PBX3: variants seen among roughly 807,000 people sequenced by gnomAD.
The protein encoded by PBX3 is PBX homeobox 3, also known as pre-B-cell leukemia transcription factor 3.
Under a neutral mutation model 48.5 loss-of-function variants are expected in PBX3, and 14 were observed. That is an observed-to-expected ratio of 0.29 (90% confidence interval 0.19 to 0.45). The LOEUF (loss-of-function observed/expected upper bound fraction) is 0.45. Among genes scored for constraint, PBX3 ranks in the 20% least tolerant of loss-of-function variants. PBX3 has a pLI of 1.00. For synonymous variants in PBX3, 210 were observed against 200.3 expected, an observed-to-expected ratio of 1.05 and a Z score of -0.41; for missense variants, 386 against 546.7, an observed-to-expected ratio of 0.71 and a Z score of 2.93.
intron 2 of PBX3, among the ~76,000 whole-genome samples, chr9:125,915,466 G>A (rs1841305786): frequency 6.6e-6 from 1 of 151,942 alleles, no homozygotes; most frequent in Non-Finnish European, 1.5e-5. Context: ...GAGGCGGTGG[G>A]GGGGTATTTA....
chr9:125,843,215 T>G (rs1839333921), intron 2 of PBX3, among the ~76,000 whole-genome samples: 1 of 152,174 alleles, frequency 6.6e-6, no homozygotes, highest in East Asian at 1.9e-4. Flanking sequence ...GGAATTTCAT[T>G]TACCCATAAG....
chr9:125,748,689 A>G (rs1836280351), intron 2 of PBX3, 66 bp downstream of exon 2: 8 of 1,227,694 alleles, frequency 6.5e-6, no homozygotes, highest in Non-Finnish European at 5.9e-6. Context: ...TACTCCTTCG[A>G]CTCTCCAGTT....
Position 125,747,445 on chromosome 9 carries a change from CGCG to C in PBX3, c.-4_-2del. 1 of 1,476,276 alleles carries C rather than the reference CGCG, an allele frequency of 6.8e-7. No homozygotes were observed. The allele number at this position is 1,476,276 out of a possible 1,614,324, so 91.4% of individuals were successfully genotyped here. A position where few individuals can be genotyped will look rare whatever the true frequency, so the allele number is the denominator to read the frequency against. On this transcript the variant is annotated 5_prime_UTR_variant, in exon 1 of 9. Transcript: ENST00000373489. The stretch of plus-strand genomic sequence containing the variant: ...CAGCCGCCGCCCGCTCCCGCCCGCG[CGCG>C]GCGGGATGGACGATCAATCCAGGAT...
intron 2 of PBX3, among the ~76,000 whole-genome samples, chr9:125,910,821 TG>T (rs1048816207): frequency 1.3e-5 from 2 of 151,720 alleles, no homozygotes; most frequent in Non-Finnish European, 2.9e-5. Flanking sequence ...TGTTTTCTAT[TG>T]ATGTCTACAA....
chr9:125,835,446 A>G (rs536436678), intron 2 of PBX3, among the ~76,000 whole-genome samples: 1 of 152,334 alleles, frequency 6.6e-6, no homozygotes, highest in Admixed American at 6.5e-5. Context: ...AGAATGGGAG[A>G]AAGTATTTGC....
chr9:125,784,551 CTGTT>C (rs1163776492), intron 2 of PBX3, among the ~76,000 whole-genome samples: 14 of 152,236 alleles, frequency 9.2e-5, no homozygotes, highest in Admixed American at 8.5e-4. Context: ...TGGACTATGG[CTGTT>C]TGTGTTTGGA....
chr9:125,927,699 C>G (rs1467344758), intron 3 of PBX3, among the ~76,000 whole-genome samples: 1 of 152,168 alleles, frequency 6.6e-6, no homozygotes, highest in Non-Finnish European at 1.5e-5. Flanking sequence ...CCAGGCAGTA[C>G]TGGATTTCAG....
chr9:125,779,941 ACC>A (rs1293671866), intron 2 of PBX3, among the ~76,000 whole-genome samples: 2 of 68,240 alleles, frequency 2.9e-5, no homozygotes, highest in Non-Finnish European at 2.6e-5. Flanking sequence ...CGGGGGGCTG[ACC>A]CCCCACCTCC....
At chr9:125,774,164 G>A (rs1398085357) in intron 2 of PBX3, among the ~76,000 whole-genome samples, 1 of 152,158 alleles carries the variant, frequency 6.6e-6, no homozygotes, top group African/African-American at 2.4e-5. Context: ...CGTGTCTTAC[G>A]TGGCCGGAGC....
At chr9:125,843,533 C>A (rs12683881) in intron 2 of PBX3, among the ~76,000 whole-genome samples, 8 of 151,980 alleles carry the variant, frequency 5.3e-5, no homozygotes, top group African/African-American at 1.9e-4. Context: ...CACTTTCCAC[C>A]GGCTGGATGC....
intron 2 of PBX3, among the ~76,000 whole-genome samples, chr9:125,763,667 G>A (rs1382551167): frequency 2.0e-5 from 3 of 152,184 alleles, no homozygotes; most frequent in Non-Finnish European, 1.5e-5. Flanking sequence ...AACAATACTC[G>A]ATGATGTTTG....
chr9:125,769,815 A>G (rs1274117048), intron 2 of PBX3, among the ~76,000 whole-genome samples: 1 of 152,338 alleles, frequency 6.6e-6, no homozygotes, highest in Non-Finnish European at 1.5e-5. Context: ...TTTACAAAAT[A>G]AGGAAGTAGG....
chr9:125,921,167 G>T (rs1029329705), intron 3 of PBX3, among the ~76,000 whole-genome samples: 3 of 152,130 alleles, frequency 2.0e-5, no homozygotes, highest in African/African-American at 7.2e-5. Flanking sequence ...TTTCTTGTTG[G>T]CTTTCATGCC....
At chr9:125,944,763 G>T (rs377689762) in intron 5 of PBX3, among the ~76,000 whole-genome samples, 1 of 152,080 alleles carries the variant, frequency 6.6e-6, no homozygotes. Context: ...GTTATTATGT[G>T]GGGGGTGGGG....
intron 2 of PBX3, among the ~76,000 whole-genome samples, chr9:125,757,537 TTTAA>T (rs369118798): frequency 0.015 from 2,300 of 152,310 alleles, 22 homozygotes; most frequent in Non-Finnish European, 0.026. Flanking sequence ...AATTAATATC[TTTAA>T]TTAAACCTAG....
intron 2 of PBX3, among the ~76,000 whole-genome samples, chr9:125,818,494 C>G (rs913700486): frequency 1.3e-5 from 2 of 151,756 alleles, no homozygotes; most frequent in Non-Finnish European, 2.9e-5. Context: ...GCCACCACGC[C>G]CGGCTAATTT....
intron 2 of PBX3, among the ~76,000 whole-genome samples, chr9:125,754,902 G>T (rs181364732): frequency 6.6e-6 from 1 of 152,134 alleles, no homozygotes; most frequent in East Asian, 1.9e-4. Context: ...AAAAATAATT[G>T]TTAAAAGTTT....
chr9:125,748,798 C>T, intron 2 of PBX3, 175 bp downstream of exon 2: 2 of 515,856 alleles, frequency 3.9e-6, no homozygotes, highest in Non-Finnish European at 7.0e-6. Flanking sequence ...GTCAATTTCT[C>T]AGTTCTGCTC....
chr9:125,888,680 A>G (rs530813432), intron 2 of PBX3, among the ~76,000 whole-genome samples: 1 of 152,156 alleles, frequency 6.6e-6, no homozygotes, highest in Non-Finnish European at 1.5e-5. Context: ...GAAACTGGTA[A>G]TTAATTTGTT....
Sources: gnomAD v4.1 joint callset for allele counts (sites outside exome capture counted in the v4.1 genomes callset) on GRCh38, gnomAD v4.1.1 for gene constraint, MANE v1.5 for transcripts, NCBI Gene and HGNC (gene_info 2026-07-23, HGNC 2026-07-21) for gene names.